Variants in NAALADL2 observed in about 807,000 individuals in gnomAD.
NAALADL2 encodes inactive N-acetylated-alpha-linked acidic dipeptidase-like protein 2.
In NAALADL2, 76 loss-of-function variants were observed where a neutral mutation model predicts 87.2. The ratio of observed to expected loss-of-function variants is 0.87; its 90% CI spans 0.72 to 1.05. The LOEUF (loss-of-function observed/expected upper bound fraction) is 1.05. NAALADL2 is among the 50% of genes least tolerant of loss of function. The pLI is 0.00. For missense variants in NAALADL2, 1,089 were observed against 945.8 expected (o/e 1.15, Z -1.99); for synonymous variants, 354 against 331.0 (o/e 1.07, Z -0.75).
intron 9 of NAALADL2, among the ~76,000 whole-genome samples, chr3:175,491,335 T>C (rs1399575563): frequency 6.6e-6 from 1 of 151,880 alleles, no homozygotes; most frequent in Non-Finnish European, 1.5e-5. Context: ...ATTTTATTTA[T>C]ATTGAATCTA....
chr3:175,131,824 ACCC>A (rs1378180748), intron 2 of NAALADL2, among the ~76,000 whole-genome samples: 19 of 92,728 alleles, frequency 2.0e-4, no homozygotes, highest in African/African-American at 7.8e-4. Flanking sequence ...CGGGGGGCTG[ACCC>A]CCCCCACCTC....
Position 175,632,259 on chromosome 3 carries a change from T to C in NAALADL2, c.1896+4873T>C, listed in dbSNP as rs1020513285. Reference sequence around the variant, plus strand: ...CTGATGGTTTAAAAGTGTGTGGCACTTTCCCCTTCTCTCTCTCTCTCTCTC... The same window carrying C: ...CTGATGGTTTAAAAGTGTGTGGCACCTTCCCCTTCTCTCTCTCTCTCTCTC... On this transcript the variant is annotated intron_variant, in intron 11 of 13. Transcript: ENST00000454872. Among the ~76,000 whole-genome samples, 12 of 146,560 alleles carry C rather than the reference T, an allele frequency of 8.2e-5. No homozygotes were observed. In the Admixed American group the frequency reaches 8.3e-4, roughly 10 times the overall value.
intron 2 of NAALADL2, among the ~76,000 whole-genome samples, chr3:175,164,617 T>C (rs1733723920): frequency 6.6e-6 from 1 of 152,166 alleles, no homozygotes. Context: ...TTGAATAATA[T>C]TGGTCACTCT....
chr3:174,854,068 G>A (rs897027776), intron 3 of NAALADL2, among the ~76,000 whole-genome samples: 1 of 152,118 alleles, frequency 6.6e-6, no homozygotes, highest in African/African-American at 2.4e-5. Context: ...TATCAAAGAT[G>A]TATTTGAACT....
chr3:175,206,552 T>C lies in NAALADL2; in HGVS notation c.546-27379T>C, dbSNP rs116674947. On this transcript the variant is annotated intron_variant, in intron 2 of 13. Transcript: ENST00000454872. Reference sequence around the variant, plus strand: ...AGTGAGACAATGGACTGTGGGGACTTGGTGGGGAAGAGTGGGAGGGGGGCG... The same window carrying C: ...AGTGAGACAATGGACTGTGGGGACTCGGTGGGGAAGAGTGGGAGGGGGGCG... Among the ~76,000 whole-genome samples, 407 of 149,632 alleles carry C rather than the reference T, an allele frequency of 2.7e-3. 1 individual carries two copies. Among genetic ancestry groups the C allele is most frequent in the African/African-American group, 8.9e-3 (360 of 40,332 alleles).
rs762831782 is a variant in NAALADL2, at chr3:175,096,817, ATG to A, written c.72_73del (p.Ala25ArgfsTer14). 6.3e-7 allele frequency: 1 copy of A among 1,593,712 alleles called. No individual in the cohort carries two copies. Among genetic ancestry groups the A allele is most frequent in the Non-Finnish European group, 8.5e-7 (1 of 1,170,584 alleles). On this transcript the variant is annotated frameshift_variant, in exon 2 of 14. Transcript: ENST00000454872. LOFTEE classifies it high-confidence loss of function. Reference sequence around the variant, plus strand: ...AAAAAGATGGCCTATCAGAAGGTCCATGCAGATCAAAGAGCTCCAGGACACTC... The same window carrying A: ...AAAAAGATGGCCTATCAGAAGGTCCACAGATCAAAGAGCTCCAGGACACTC...
At chr3:175,385,340 T>G (rs1271807845) in intron 5 of NAALADL2, among the ~76,000 whole-genome samples, 1 of 152,138 alleles carries the variant, frequency 6.6e-6, no homozygotes. Flanking sequence ...AATAATAGAT[T>G]CCATTGTGAA....
chr3:175,682,671 A>G (rs1735748995), intron 11 of NAALADL2, among the ~76,000 whole-genome samples: 1 of 151,928 alleles, frequency 6.6e-6, no homozygotes, highest in South Asian at 2.1e-4. Flanking sequence ...CCCTTAAACA[A>G]CTTATTTTAT....
intron 11 of NAALADL2, among the ~76,000 whole-genome samples, chr3:175,682,065 A>T (rs1479298547): frequency 6.6e-6 from 1 of 152,108 alleles, no homozygotes; most frequent in Non-Finnish European, 1.5e-5. Flanking sequence ...TTCAGTTCAG[A>T]GTTGTGTGTC....
At chr3:175,166,226 C>A (rs1236403049) in intron 2 of NAALADL2, among the ~76,000 whole-genome samples, 1 of 151,950 alleles carries the variant, frequency 6.6e-6, no homozygotes, top group African/African-American at 2.4e-5. Context: ...CCATCTTTTC[C>A]CAATTCAATT....
At chr3:175,010,746 G>C (rs938119765) in intron 1 of NAALADL2, among the ~76,000 whole-genome samples, 2 of 152,032 alleles carry the variant, frequency 1.3e-5, no homozygotes, top group African/African-American at 4.8e-5. Flanking sequence ...CTTTATCTGA[G>C]CTGTCTATTC....
chr3:175,697,072 C>A (rs575928188), intron 11 of NAALADL2, among the ~76,000 whole-genome samples: 1 of 152,066 alleles, frequency 6.6e-6, no homozygotes, highest in Admixed American at 6.6e-5. Context: ...ATCTTAGCAC[C>A]CACTATGGAA....
At chr3:175,007,342 GTAGGCTA>G (rs1749171571) in intron 1 of NAALADL2, among the ~76,000 whole-genome samples, 1 of 152,106 alleles carries the variant, frequency 6.6e-6, no homozygotes, top group African/African-American at 2.4e-5. Flanking sequence ...AGATTTACCA[GTAGGCTA>G]TAGGAGAATA....
chr3:174,982,213 GC>G (rs1176915303), intron 1 of NAALADL2, among the ~76,000 whole-genome samples: 1 of 152,232 alleles, frequency 6.6e-6, no homozygotes, highest in East Asian at 1.9e-4. Flanking sequence ...AGAGATAAAA[GC>G]TATGTCTAGA....
intron 5 of NAALADL2, among the ~76,000 whole-genome samples, chr3:175,338,509 T>C (rs1046183409): frequency 2.0e-5 from 3 of 149,974 alleles, no homozygotes; most frequent in Non-Finnish European, 3.0e-5. Context: ...ATTAAACATT[T>C]ATCAGGACCC....
chr3:174,824,030 A>G (rs955151518), intron 3 of NAALADL2, among the ~76,000 whole-genome samples: 3 of 152,158 alleles, frequency 2.0e-5, no homozygotes, highest in African/African-American at 7.2e-5. Context: ...AACACCTCCT[A>G]TTATTCTTGG....
At chr3:174,465,279 C>A (rs1417338753) in intron 1 of NAALADL2, among the ~76,000 whole-genome samples, 1 of 152,020 alleles carries the variant, frequency 6.6e-6, no homozygotes, top group African/African-American at 2.4e-5. Flanking sequence ...AAAGTTTTAT[C>A]TGTATATATC....
chr3:175,294,192 T>C lies in NAALADL2; in HGVS notation c.940-29983T>C, dbSNP rs149631362. 2.5e-3 allele frequency among the ~76,000 whole-genome samples: 382 copies of C among 152,336 alleles called. 2 individuals carry two copies. The highest frequency in any genetic ancestry group is 3.4e-3 in the Middle Eastern group (1 of 294). The stretch of plus-strand genomic sequence containing the variant: ...AGCTGCTAAAGGCACCAAGCCAGCC[T>C]AGACAAAAAGAAAAACATAGTGAAT... On this transcript the variant is annotated intron_variant, in intron 4 of 13. Transcript: ENST00000454872.
At chr3:175,538,510 G>T (rs1241042430) in intron 9 of NAALADL2, among the ~76,000 whole-genome samples, 1 of 151,840 alleles carries the variant, frequency 6.6e-6, no homozygotes, top group East Asian at 1.9e-4. Flanking sequence ...ATAGGTCCTG[G>T]CTTTGTTCAA....
Sources: allele counts gnomAD v4.1 joint callset (sites outside exome capture counted in the v4.1 genomes callset), GRCh38; gene constraint gnomAD v4.1.1; transcripts MANE v1.5; gene names NCBI Gene and HGNC (gene_info 2026-07-23, HGNC 2026-07-21).